RASAL2: variants seen among roughly 807,000 people sequenced by gnomAD.
RASAL2 encodes RAS protein activator like 2, also known as ras GTPase-activating protein nGAP.
RASAL2 carries 58 observed loss-of-function variants against 128.9 expected under a neutral mutation model. That is an observed-to-expected ratio of 0.45 (90% CI 0.36 to 0.56). The LOEUF is 0.56. RASAL2 is among the 20% of genes least tolerant of loss of function. The pLI, the probability that RASAL2 is intolerant of heterozygous loss-of-function variation, is 0.00. For synonymous variants in RASAL2, 561 were observed against 580.8 expected, an observed-to-expected ratio of 0.97 and a Z score of 0.49; for missense variants, 1,360 against 1,601.6, an observed-to-expected ratio of 0.85 and a Z score of 2.57.
At chr1:178,217,702 T>C (rs1330220083) in intron 1 of RASAL2, among the ~76,000 whole-genome samples, 1 of 152,236 alleles carries the variant, frequency 6.6e-6, no homozygotes, top group Admixed American at 6.5e-5. Flanking sequence ...CATCTGAGCC[T>C]TCAGAGAGTT....
At chr1:178,375,686 C>A (rs1162649205) in intron 3 of RASAL2, among the ~76,000 whole-genome samples, 1 of 151,920 alleles carries the variant, frequency 6.6e-6, no homozygotes, top group Non-Finnish European at 1.5e-5. Context: ...GGAGAGATTA[C>A]AAAGAATGTA....
chr1:178,294,298 A>T (rs1018181113), intron 2 of RASAL2, among the ~76,000 whole-genome samples: 3 of 151,938 alleles, frequency 2.0e-5, no homozygotes, highest in Non-Finnish European at 4.4e-5. Context: ...CCACCCCCAC[A>T]TACTTCCATA....
At chr1:178,231,316 G>T (rs575941613) in intron 1 of RASAL2, among the ~76,000 whole-genome samples, 329 of 152,188 alleles carry the variant, frequency 2.2e-3, no homozygotes, top group Admixed American at 5.2e-3. Context: ...TCATATGCTT[G>T]TTGGCCTTTA....
chr1:178,214,560 A>AT (rs750648998), intron 1 of RASAL2, among the ~76,000 whole-genome samples: 1,592 of 141,302 alleles, frequency 0.011, 21 homozygotes, highest in African/African-American at 0.029. Context: ...TGGACTATGT[A>AT]TTTTTTTTTT....
chr1:178,292,779 A>G (rs1377866996), intron 2 of RASAL2, among the ~76,000 whole-genome samples: 2 of 152,166 alleles, frequency 1.3e-5, no homozygotes, highest in Admixed American at 6.5e-5. Context: ...TAAAAATACA[A>G]AAGCTGAATT....
rs573703033 is a variant in RASAL2 at position 178,396,243 on chromosome 1, C to G, written c.564+6037C>G. On this transcript the variant is annotated intron_variant, in intron 4 of 17. Transcript: ENST00000367649. Reference sequence around the variant, plus strand: ...TAACTACTGGAGATTCCAACTTACCCTAACCAGGAGAAGAGGGCTGTTTGA... The same window carrying G: ...TAACTACTGGAGATTCCAACTTACCGTAACCAGGAGAAGAGGGCTGTTTGA... 3.9e-5 allele frequency among the ~76,000 whole-genome samples: 6 copies of G among 152,256 alleles called. No homozygotes were observed. The East Asian group carries it at 1.2e-3, about 29-fold the overall frequency.
At chr1:178,441,968 C>T (rs949954372) in intron 7 of RASAL2, among the ~76,000 whole-genome samples, 3 of 152,058 alleles carry the variant, frequency 2.0e-5, no homozygotes, top group African/African-American at 7.2e-5. Context: ...GGAGCAGGCA[C>T]ATCACATGGT....
At chr1:178,107,649 T>TA (rs1332207495) in intron 1 of RASAL2, among the ~76,000 whole-genome samples, 1 of 152,112 alleles carries the variant, frequency 6.6e-6, no homozygotes, top group Admixed American at 6.5e-5. Context: ...TAGCAGCTGG[T>TA]AACCTCTATT....
At chr1:178,361,131 T>C (rs756511009) in intron 3 of RASAL2, among the ~76,000 whole-genome samples, 1 of 152,246 alleles carries the variant, frequency 6.6e-6, no homozygotes, top group Admixed American at 6.5e-5. Flanking sequence ...ATAATGTAGT[T>C]CTGTAAAATA....
intron 17 of RASAL2, among the ~76,000 whole-genome samples, chr1:178,469,720 A>G (rs1405707042): frequency 2.0e-5 from 3 of 152,252 alleles, no homozygotes; most frequent in Non-Finnish European, 2.9e-5. Context: ...GGCACCTTTC[A>G]TAAATGAATA....
At chr1:178,462,972 AC>A (rs150211402) in intron 14 of RASAL2, among the ~76,000 whole-genome samples, 5,992 of 152,150 alleles carry the variant, frequency 0.039, 407 homozygotes, top group African/African-American at 0.13. Context: ...GTCTCTCCCA[AC>A]CCATCTCTGA....
intron 1 of RASAL2, among the ~76,000 whole-genome samples, chr1:178,272,428 C>T (rs1666304871): frequency 6.6e-6 from 1 of 152,096 alleles, no homozygotes; most frequent in African/African-American, 2.4e-5. Context: ...TACCTTTTAA[C>T]TCTACATTAA....
At chr1:178,269,119 A>G (rs1477558738) in intron 1 of RASAL2, among the ~76,000 whole-genome samples, 2 of 152,172 alleles carry the variant, frequency 1.3e-5, no homozygotes, top group South Asian at 2.1e-4. Flanking sequence ...CCTTAATTTA[A>G]TAGGGCCGTT....
intron 3 of RASAL2, among the ~76,000 whole-genome samples, chr1:178,309,375 A>G (rs1392474832): frequency 6.6e-6 from 1 of 152,202 alleles, no homozygotes. Flanking sequence ...ACATTAATAG[A>G]TGGCAGTGAT....
intron 3 of RASAL2, 42 bp from the exon 4 acceptor site, chr1:178,390,058 T>A: frequency 7.6e-7 from 1 of 1,321,970 alleles, no homozygotes. Flanking sequence ...ATCCTAAATT[T>A]GGGGTTCTTA....
intron 1 of RASAL2, among the ~76,000 whole-genome samples, chr1:178,265,291 C>T (rs781431343): frequency 1.6e-4 from 24 of 152,062 alleles, no homozygotes; most frequent in Admixed American, 3.9e-4. Context: ...CAGAGTCTTC[C>T]TCTGTCACCC....
At chr1:178,256,987 A>G (rs1665380783) in intron 1 of RASAL2, among the ~76,000 whole-genome samples, 1 of 152,132 alleles carries the variant, frequency 6.6e-6, no homozygotes, top group Non-Finnish European at 1.5e-5. Context: ...TGGTATTTTT[A>G]TATACTTGCA....
At chr1:178,244,967 A>C (rs1664703249) in intron 1 of RASAL2, among the ~76,000 whole-genome samples, 1 of 152,130 alleles carries the variant, frequency 6.6e-6, no homozygotes, top group African/African-American at 2.4e-5. Context: ...TTCTTTATCC[A>C]GTCTATCATT....
Position 178,165,008 on chromosome 1 carries a change from A to G in RASAL2, c.202+70314A>G, listed in dbSNP as rs1281044637. On this transcript the variant is annotated intron_variant, in intron 1 of 17. Coordinates refer to ENST00000367649, the MANE Select transcript of RASAL2 (RefSeq NM_170692.4). ...ATACAACTATTTACATTGCATTTAT[A>G]TTATATTAGTTATTATAAATAATCT... Among the ~76,000 whole-genome samples the G allele has an allele frequency of 2.6e-5, 4 of 151,950 alleles. No individual in the cohort carries two copies. In the East Asian group the frequency reaches 5.8e-4, roughly 22 times the overall value.
Sources: allele counts gnomAD v4.1 joint callset (sites outside exome capture counted in the v4.1 genomes callset), GRCh38; gene constraint gnomAD v4.1.1; transcripts MANE v1.5; gene names NCBI Gene and HGNC (gene_info 2026-07-23, HGNC 2026-07-21).